Variants in CCT5 observed in about 807,000 individuals in gnomAD.
CCT5 encodes chaperonin containing TCP1 subunit 5, also known as T-complex protein 1 subunit epsilon.
Under a neutral mutation model 55.0 loss-of-function variants are expected in CCT5, and 6 were observed. The observed-to-expected ratio is 0.11, with a 90% CI of 0.06 to 0.22. The LOEUF (loss-of-function observed/expected upper bound fraction) is 0.22, where lower values mean the gene tolerates loss of function less well. Ranked by LOEUF, CCT5 falls within the 10% of genes least tolerant of loss-of-function variation. The probability of loss-of-function intolerance (pLI) is 1.00; values close to 1 mark genes in which losing one functional copy is unlikely to be tolerated. For missense variants in CCT5, 560 were observed against 694.6 expected (o/e 0.81, Z 2.18); for synonymous variants, 231 against 243.7 (o/e 0.95, Z 0.49).
intron 4 of CCT5, among the ~76,000 whole-genome samples, chr5:10,257,289 A>G (rs1275135557): frequency 6.6e-6 from 1 of 152,252 alleles, no homozygotes; most frequent in African/African-American, 2.4e-5. Context: ...TCCCTAGGCA[A>G]GAGTGAGTAC....
rs777591810 is a variant in CCT5 at position 10,263,287 on chromosome 5, A to G, written c.1471A>G (p.Ile491Val). 2 of 1,607,496 alleles carry G rather than the reference A, an allele frequency of 1.2e-6. No individual in the cohort carries two copies. Among genetic ancestry groups the G allele is most frequent in the Admixed American group, 1.7e-5 (1 of 59,824 alleles). Residue 491 changes from isoleucine to valine, a missense_variant, in exon 10 of 11, where the codon ATC (isoleucine) becomes GTC (valine). Coordinates refer to ENST00000280326, the MANE Select transcript of CCT5 (RefSeq NM_012073.5). ...GAAGGAGATGAACCCTGCTCTTGGC[A>G]TCGACTGTTTGCACAAGGGGACAAA... ...QVKEMNPALGIDCLHKGTNDM... is the reference protein window; with the variant it reads ...QVKEMNPALGVDCLHKGTNDM...
intron 8 of CCT5, chr5:10,261,988 T>G (rs1006150043): frequency 1.2e-5 from 6 of 490,804 alleles, no homozygotes; most frequent in African/African-American, 9.8e-5. Context: ...TTTATATCTT[T>G]TTAAATACTT....
At position 10,265,190 on chromosome 5, in the gene CCT5, T is replaced by A. The variant is rs1252533367; in HGVS notation, c.*407T>A. The A allele has an allele frequency of 1.4e-5, 3 of 211,214 alleles. No individual in the cohort carries two copies. The highest frequency in any genetic ancestry group is 2.9e-5 in the Non-Finnish European group (3 of 104,210). The allele number at this position is 211,214 out of a possible 1,614,324, so 13.1% of individuals were successfully genotyped here. A position where few individuals can be genotyped will look rare whatever the true frequency, so the allele number is the denominator to read the frequency against. Reference sequence around the variant, plus strand: ...CATATTGAGAGGAATATGGGCTTGATCCTCTTCCTATCTAAATGGGTGGGC... The same window carrying A: ...CATATTGAGAGGAATATGGGCTTGAACCTCTTCCTATCTAAATGGGTGGGC... On this transcript the variant is annotated 3_prime_UTR_variant, in exon 11 of 11. Coordinates refer to ENST00000280326, the MANE Select transcript of CCT5 (RefSeq NM_012073.5).
chr5:10,256,287 C>A, intron 4 of CCT5, 134 bp downstream of exon 4: 3 of 834,888 alleles, frequency 3.6e-6, no homozygotes, highest in Non-Finnish European at 5.9e-6. Context: ...CTTGGTTTTG[C>A]TTTGTTTTTA....
intron 4 of CCT5, among the ~76,000 whole-genome samples, chr5:10,257,603 C>A (rs1200288021): frequency 2.0e-5 from 3 of 152,186 alleles, no homozygotes; most frequent in Non-Finnish European, 4.4e-5. Context: ...AAAGGTAACA[C>A]CCTCCATCTA....
At chr5:10,253,048 G>T (rs532407004) in intron 1 of CCT5, among the ~76,000 whole-genome samples, 3 of 152,082 alleles carry the variant, frequency 2.0e-5, no homozygotes, top group Non-Finnish European at 2.9e-5. Flanking sequence ...AGTTTCAGCC[G>T]GGCGTGGTTG....
chr5:10,262,710 A>G (rs2126517415), intron 9 of CCT5, 92 bp downstream of exon 9: 1 of 1,371,362 alleles, frequency 7.3e-7, no homozygotes, highest in East Asian at 2.3e-5. Context: ...TGGATGCAAA[A>G]CAAGCATCGT....
At chr5:10,258,570 C>T in intron 6 of CCT5, 35 bp downstream of exon 6, 1 of 1,574,308 alleles carries the variant, frequency 6.4e-7, no homozygotes, top group Non-Finnish European at 8.7e-7. Flanking sequence ...GGAATTTAAA[C>T]TCCCAAAGGG....
At position 10,258,448 on chromosome 5, in the gene CCT5, A is replaced by G. The variant is rs1425105641; in HGVS notation, c.786A>G (p.Thr262=). 3.1e-6 allele frequency: 5 copies of G among 1,614,230 alleles called. No individual in the cohort carries two copies. Among genetic ancestry groups the G allele is most frequent in the Middle Eastern group, 1.6e-4 (1 of 6,062 alleles). Residue 262 remains threonine, a synonymous_variant, in exon 6 of 11, where the codon ACA becomes ACG. Transcript: ENST00000280326. The part of the protein sequence containing the change: ...TCPFEPPKPK[T]KHKLDVTSVE... ...CATTTGAACCACCCAAACCAAAAAC[A>G]AAGCATAAGCTGGATGTGACCTCTG...
At chr5:10,259,237 A>G (rs1354450444) in intron 6 of CCT5, among the ~76,000 whole-genome samples, 1 of 152,186 alleles carries the variant, frequency 6.6e-6, no homozygotes, top group Non-Finnish European at 1.5e-5. Context: ...TGAATACCTT[A>G]GCGTAGGTGT....
In CCT5 at chr5:10,264,941, A is replaced by G; in HGVS notation, c.*158A>G. 1 of 921,226 alleles carries G rather than the reference A, an allele frequency of 1.1e-6. No individual in the cohort carries two copies. Among genetic ancestry groups the G allele is most frequent in the Non-Finnish European group, 1.6e-6 (1 of 606,126 alleles). The allele number at this position is 921,226 out of a possible 1,614,324, so 57.1% of individuals were successfully genotyped here. A position where few individuals can be genotyped will look rare whatever the true frequency, so the allele number is the denominator to read the frequency against. ...TGGTAACCATAGTTTCACTTGTTCAAAGCTGTGTAATCGTGGGGGTACCAT... is the reference window on the plus strand; with the variant it reads ...TGGTAACCATAGTTTCACTTGTTCAGAGCTGTGTAATCGTGGGGGTACCAT... On this transcript the variant is annotated 3_prime_UTR_variant, in exon 11 of 11. Coordinates refer to ENST00000280326, the MANE Select transcript of CCT5 (RefSeq NM_012073.5).
At chr5:10,254,339 G>A in intron 2 of CCT5, 134 bp downstream of exon 2, 1 of 671,990 alleles carries the variant, frequency 1.5e-6, no homozygotes, top group East Asian at 3.0e-5. Flanking sequence ...ATTTTTTAGT[G>A]TATTTCAGGT....
intron 3 of CCT5, 130 bp from the exon 4 acceptor site, chr5:10,255,825 C>A: frequency 1.2e-6 from 1 of 804,548 alleles, no homozygotes; most frequent in Non-Finnish European, 2.1e-6. Context: ...AGGGCTTCTG[C>A]CTCTAAGATG....
chr5:10,250,151 G>A, upstream of CCT5: 1 of 1,536,466 alleles, frequency 6.5e-7, no homozygotes, highest in South Asian at 1.2e-5. Flanking sequence ...CTGGATAATA[G>A]AAGTTCCCGA....
chr5:10,251,108 A>T (rs779745500), intron 1 of CCT5, among the ~76,000 whole-genome samples: 34 of 152,148 alleles, frequency 2.2e-4, no homozygotes, highest in Non-Finnish European at 2.9e-4. Flanking sequence ...GAAACGGTAG[A>T]AGTAAAGGCT....
Position 10,256,010 on chromosome 5 carries a change from C to T in CCT5, c.387C>T (p.His129=), listed in dbSNP as rs1579449286. Residue 129 remains histidine (H), a synonymous_variant, in exon 4 of 11, where the codon CAC becomes CAT. Transcript: ENST00000280326. ...EAEQLLDRGI[H]PIRIADGYEQ... ...AGCAATTGCTAGACCGAGGCATTCA[C>T]CCAATCAGAATAGCCGATGGCTATG... 5 of 1,614,220 alleles carry T rather than the reference C, an allele frequency of 3.1e-6. No homozygotes were observed. In the East Asian group the frequency reaches 1.1e-4, roughly 36 times the overall value.
In CCT5 at chr5:10,257,308, T is replaced by C. The variant is rs141152629; in HGVS notation, c.531-803T>C. The stretch of plus-strand genomic sequence containing the variant: ...TAGGCAAGAGTGAGTACCCTAGGGG[T>C]AGCCTCTTGTCACAAGTATAACACT... On this transcript the variant is annotated intron_variant, in intron 4 of 10. Coordinates refer to ENST00000280326, the MANE Select transcript of CCT5 (RefSeq NM_012073.5). Among the ~76,000 whole-genome samples the C allele has an allele frequency of 2.5e-3, 374 of 152,288 alleles. 2 individuals carry two copies. Among genetic ancestry groups the C allele is most frequent in the Non-Finnish European group, 4.0e-3 (269 of 68,018 alleles).
chr5:10,262,395 C>G, intron 8 of CCT5, 86 bp from the exon 9 acceptor site: 1 of 1,431,304 alleles, frequency 7.0e-7, no homozygotes, highest in Non-Finnish European at 9.8e-7. Flanking sequence ...AGCACAGCCT[C>G]TCTGTCTTTA....
intron 1 of CCT5, among the ~76,000 whole-genome samples, chr5:10,251,701 G>C (rs1745428589): frequency 6.6e-6 from 1 of 152,186 alleles, no homozygotes; most frequent in South Asian, 2.1e-4. Flanking sequence ...GTGACTTAGA[G>C]GGGCTGCACA....
Sources: allele counts gnomAD v4.1 joint callset (sites outside exome capture counted in the v4.1 genomes callset), GRCh38; gene constraint gnomAD v4.1.1; transcripts MANE v1.5; gene names NCBI Gene and HGNC (gene_info 2026-07-23, HGNC 2026-07-21).